The following PRDM16 variants were observed in gnomAD, a reference collection of about 807,000 sequenced individuals.
PRDM16 encodes the protein PR/SET domain 16, also known as histone-lysine N-methyltransferase PRDM16.
Under a neutral mutation model 110.6 loss-of-function variants are expected in PRDM16, and 23 were observed. The ratio of observed to expected loss-of-function variants is 0.21; its 90% CI spans 0.15 to 0.29. The LOEUF (loss-of-function observed/expected upper bound fraction) is 0.29, where lower values mean the gene tolerates loss of function less well. PRDM16 is among the 10% of genes least tolerant of loss of function. PRDM16 has a pLI of 1.00. For synonymous variants in PRDM16, 799 were observed against 781.8 expected (o/e 1.02, Z -0.37); for missense variants, 1,615 against 1,794.3 (o/e 0.90, Z 1.81).
chr1:3,144,849 G>T (rs12722983), intron 1 of PRDM16, among the ~76,000 whole-genome samples: 10,228 of 152,266 alleles, frequency 0.067, 475 homozygotes, highest in East Asian at 0.12. Flanking sequence ...GGGTCAGGGG[G>T]CCCTTCTGCT....
chr1:3,182,687 G>A (rs1329232550), intron 1 of PRDM16, among the ~76,000 whole-genome samples: 1 of 152,196 alleles, frequency 6.6e-6, no homozygotes, highest in Admixed American at 6.5e-5. Flanking sequence ...GTCCCAGCCC[G>A]GGGCAGCAGC....
chr1:3,266,621 C>T (rs1053539433), intron 3 of PRDM16, among the ~76,000 whole-genome samples: 10 of 152,210 alleles, frequency 6.6e-5, no homozygotes, highest in Non-Finnish European at 1.2e-4. Context: ...GGGCCTGCAC[C>T]CTCCGCCGCT....
At chr1:3,313,553 C>T (rs1425752894) in intron 3 of PRDM16, among the ~76,000 whole-genome samples, 3 of 152,200 alleles carry the variant, frequency 2.0e-5, no homozygotes, top group African/African-American at 7.2e-5. Context: ...AACTTGTATC[C>T]AAAATTTGAA....
chr1:3,267,388 G>C lies in PRDM16; in HGVS notation c.438+23251G>C, dbSNP rs535175164. On this transcript the variant is annotated intron_variant, in intron 3 of 16. Coordinates refer to ENST00000270722, the MANE Select transcript of PRDM16 (RefSeq NM_022114.4). ...TGAGTAATATTCCCCTGCGTGGAGGGGCCACACCTTTTCTATCCACTCGTC... is the reference window on the plus strand; with the variant it reads ...TGAGTAATATTCCCCTGCGTGGAGGCGCCACACCTTTTCTATCCACTCGTC... 1.1e-4 allele frequency among the ~76,000 whole-genome samples: 17 copies of C among 152,276 alleles called. No homozygotes were observed. The East Asian group carries it at 3.1e-3, about 28-fold the overall frequency.
At chr1:3,098,203 C>A (rs1282599862) in intron 1 of PRDM16, among the ~76,000 whole-genome samples, 3 of 152,170 alleles carry the variant, frequency 2.0e-5, no homozygotes, top group African/African-American at 7.2e-5. Flanking sequence ...TCCCTCCAGG[C>A]TCATGGGGCT....
At chr1:3,410,125 G>A (rs909149288) in intron 8 of PRDM16, among the ~76,000 whole-genome samples, 3 of 151,604 alleles carry the variant, frequency 2.0e-5, no homozygotes, top group Admixed American at 2.0e-4. Context: ...TGGTGTGTGT[G>A]CATGTGTATG....
intron 11 of PRDM16, among the ~76,000 whole-genome samples, chr1:3,418,327 C>T (rs1362314983): frequency 1.3e-5 from 2 of 152,150 alleles, no homozygotes; most frequent in Admixed American, 6.5e-5. Context: ...CAGCCTCAGC[C>T]AATTTCTGCA....
rs556485461 is a variant in PRDM16 at position 3,152,063 on chromosome 1, C to T, written c.38-34062C>T. On this transcript the variant is annotated intron_variant, in intron 1 of 16. Transcript: ENST00000270722. The stretch of plus-strand genomic sequence containing the variant: ...GCACATTGCTCAGAATGGCCTCATC[C>T]TCACTGAGGTTTGTACAGGATCCAA... 3.9e-5 allele frequency among the ~76,000 whole-genome samples: 6 copies of T among 152,310 alleles called. No homozygotes were observed. In the South Asian group the frequency reaches 1.0e-3, roughly 26 times the overall value.
chr1:3,152,778 T>A (rs1001986214), intron 1 of PRDM16, among the ~76,000 whole-genome samples: 1 of 152,178 alleles, frequency 6.6e-6, no homozygotes, highest in African/African-American at 2.4e-5. Context: ...GGTCCTTGGC[T>A]TCAGAGATGC....
chr1:3,349,480 C>T (rs751745398), intron 3 of PRDM16, among the ~76,000 whole-genome samples: 23 of 152,132 alleles, frequency 1.5e-4, no homozygotes, highest in African/African-American at 4.1e-4. Flanking sequence ...AGCACCCAGT[C>T]GGCGCAGCCA....
intron 1 of PRDM16, among the ~76,000 whole-genome samples, chr1:3,105,767 CCTGAGAACGGGGCTAGCAGAGGCCA>C (rs1642638074): frequency 6.6e-6 from 1 of 152,260 alleles, no homozygotes; most frequent in Admixed American, 6.5e-5. Context: ...CGCCTCCCGC[CCTGAGAACGGGGCTAGCAGAGGCCA>C]CTGCTGTGTG....
intron 1 of PRDM16, among the ~76,000 whole-genome samples, chr1:3,182,499 G>T (rs753723496): frequency 2.6e-5 from 4 of 152,192 alleles, no homozygotes; most frequent in Non-Finnish European, 4.4e-5. Context: ...TGGGTCTCTT[G>T]GGAGATGGTG....
chr1:3,110,970 A>G (rs934224388), intron 1 of PRDM16, among the ~76,000 whole-genome samples: 8 of 152,344 alleles, frequency 5.3e-5, no homozygotes, highest in African/African-American at 1.9e-4. Context: ...TCTGGGCAAG[A>G]CGGCAGGGGA....
chr1:3,402,094 G>A (rs528180680), intron 5 of PRDM16, among the ~76,000 whole-genome samples: 6 of 152,230 alleles, frequency 3.9e-5, no homozygotes, highest in Admixed American at 1.3e-4. Context: ...AGACGCCCCC[G>A]TGCACTCACA....
At chr1:3,114,498 ACG>A (rs777610098) in intron 1 of PRDM16, among the ~76,000 whole-genome samples, 186 of 150,038 alleles carry the variant, frequency 1.2e-3, no homozygotes, top group South Asian at 4.5e-3. Context: ...GCACGCACAC[ACG>A]CGCATGCACA....
At chr1:3,381,791 A>G (rs556695983) in intron 3 of PRDM16, among the ~76,000 whole-genome samples, 1 of 152,302 alleles carries the variant, frequency 6.6e-6, no homozygotes, top group Non-Finnish European at 1.5e-5. Flanking sequence ...CCTGTACCAT[A>G]TATGAAGAGA....
intron 3 of PRDM16, among the ~76,000 whole-genome samples, chr1:3,324,196 T>C (rs547632597): frequency 6.6e-6 from 1 of 152,134 alleles, no homozygotes; most frequent in Admixed American, 6.5e-5. Context: ...CCAGCCACTC[T>C]ACAAAGTGGG....
intron 3 of PRDM16, among the ~76,000 whole-genome samples, chr1:3,249,730 G>T (rs568366483): frequency 6.6e-6 from 1 of 152,162 alleles, no homozygotes; most frequent in African/African-American, 2.4e-5. Context: ...GCAGTAAGCC[G>T]CGGACAAAAG....
chr1:3,151,442 G>A (rs1643774002), intron 1 of PRDM16, among the ~76,000 whole-genome samples: 1 of 152,234 alleles, frequency 6.6e-6, no homozygotes, highest in Non-Finnish European at 1.5e-5. Context: ...GCCAGGCCAT[G>A]GGCCAACAGG....
Sources: gnomAD v4.1 joint callset for allele counts (sites outside exome capture counted in the v4.1 genomes callset) on GRCh38, gnomAD v4.1.1 for gene constraint, MANE v1.5 for transcripts, NCBI Gene and HGNC (gene_info 2026-07-23, HGNC 2026-07-21) for gene names.